The following JARID2 variants were observed in gnomAD, a reference collection of about 807,000 sequenced individuals.
JARID2 encodes protein Jumonji.
JARID2 carries 21 observed loss-of-function variants against 125.6 expected under a neutral mutation model. The ratio of observed to expected loss-of-function variants is 0.17; its 90% CI spans 0.12 to 0.24. The LOEUF (loss-of-function observed/expected upper bound fraction) is 0.24, where lower values mean the gene tolerates loss of function less well. Ranked by LOEUF, JARID2 falls within the 10% of genes least tolerant of loss-of-function variation. The probability of loss-of-function intolerance (pLI) is 1.00; values close to 1 mark genes in which losing one functional copy is unlikely to be tolerated. For synonymous variants in JARID2, 736 were observed against 661.6 expected, an observed-to-expected ratio of 1.11 and a Z score of -1.73; for missense variants, 1,303 against 1,639.6, an observed-to-expected ratio of 0.79 and a Z score of 3.55.
intron 1 of JARID2, among the ~76,000 whole-genome samples, chr6:15,293,400 G>A (rs1346441533): frequency 6.6e-6 from 1 of 152,194 alleles, no homozygotes; most frequent in East Asian, 1.9e-4. Context: ...GGGTGATAGA[G>A]CAAGATTCCA....
chr6:15,473,979 T>C (rs1370558420), intron 5 of JARID2, among the ~76,000 whole-genome samples: 1 of 152,240 alleles, frequency 6.6e-6, no homozygotes, highest in Non-Finnish European at 1.5e-5. Flanking sequence ...AATGTCAGCC[T>C]CAGGTTCAGG....
intron 4 of JARID2, among the ~76,000 whole-genome samples, chr6:15,455,657 G>A (rs1321977636): frequency 1.3e-5 from 2 of 152,042 alleles, no homozygotes; most frequent in East Asian, 1.9e-4. Flanking sequence ...TCAGCCTCCC[G>A]AGTAGCTGGG....
chr6:15,382,998 G>C (rs888086838), intron 2 of JARID2, among the ~76,000 whole-genome samples: 3 of 152,130 alleles, frequency 2.0e-5, no homozygotes, highest in African/African-American at 7.2e-5. Flanking sequence ...TATGTGTAGG[G>C]CTATAGGGCG....
rs573824495 is a variant in JARID2, at chr6:15,284,213, C to T, written c.45+37629C>T. Among the ~76,000 whole-genome samples, 3 of 152,306 alleles carry T rather than the reference C, an allele frequency of 2.0e-5. No homozygotes were observed. In the South Asian group the frequency reaches 6.2e-4, roughly 32 times the overall value. ...CACCCTCCAGCTTGCACTCTCCCAT[C>T]ACCCTACCCACTAAATTGATATGGA... On this transcript the variant is annotated intron_variant, in intron 1 of 17. Coordinates refer to ENST00000341776, the MANE Select transcript of JARID2 (RefSeq NM_004973.4).
intron 16 of JARID2, among the ~76,000 whole-genome samples, 174 bp from the exon 17 acceptor site, chr6:15,516,987 C>G (rs1401580697): frequency 6.6e-6 from 1 of 152,150 alleles, no homozygotes; most frequent in African/African-American, 2.4e-5. Flanking sequence ...TCGTTTTAGT[C>G]CATTTCCAGC....
At chr6:15,470,004 C>G (rs1768992991) in intron 5 of JARID2, among the ~76,000 whole-genome samples, 1 of 151,942 alleles carries the variant, frequency 6.6e-6, no homozygotes, top group Non-Finnish European at 1.5e-5. Flanking sequence ...TGGTGAAACC[C>G]CGTCTCTACT....
At chr6:15,377,859 A>G (rs1764418870) in intron 2 of JARID2, among the ~76,000 whole-genome samples, 1 of 143,508 alleles carries the variant, frequency 7.0e-6, no homozygotes, top group Admixed American at 7.1e-5. Context: ...TGCAAGATGT[A>G]TGTTTTTTTT....
At chr6:15,278,013 C>A (rs563576433) in intron 1 of JARID2, among the ~76,000 whole-genome samples, 3 of 146,946 alleles carry the variant, frequency 2.0e-5, no homozygotes, top group Non-Finnish European at 3.0e-5. Flanking sequence ...TTTGGGAGGC[C>A]GAGGTGGGTG....
chr6:15,442,469 C>A (rs1054119498), intron 3 of JARID2, among the ~76,000 whole-genome samples: 4 of 152,234 alleles, frequency 2.6e-5, no homozygotes, highest in African/African-American at 9.6e-5. Context: ...CTGACTCTTA[C>A]TGTCTTTATG....
intron 1 of JARID2, among the ~76,000 whole-genome samples, chr6:15,289,596 T>C (rs1761131122): frequency 6.6e-6 from 1 of 151,592 alleles, no homozygotes; most frequent in Admixed American, 6.6e-5. Context: ...GTGAGTCACA[T>C]CTGTAATCCC....
At chr6:15,488,598 C>T (rs940372158) in intron 6 of JARID2, among the ~76,000 whole-genome samples, 2 of 152,006 alleles carry the variant, frequency 1.3e-5, no homozygotes, top group South Asian at 2.1e-4. Flanking sequence ...TGAAAATACT[C>T]GATTTCGTCT....
intron 1 of JARID2, among the ~76,000 whole-genome samples, chr6:15,339,375 C>CAAA (rs780724601): frequency 1.3e-5 from 2 of 152,008 alleles, no homozygotes; most frequent in Non-Finnish European, 2.9e-5. Context: ...GAGGAAGTTG[C>CAAA]AAAAACTGGC....
chr6:15,509,957 C>T (rs1006561278), intron 12 of JARID2, among the ~76,000 whole-genome samples: 25 of 152,124 alleles, frequency 1.6e-4, no homozygotes, highest in Non-Finnish European at 1.6e-4. Context: ...ATTTAAATTA[C>T]CAATCAGTAA....
chr6:15,361,736 A>T (rs1406145015), intron 1 of JARID2, among the ~76,000 whole-genome samples: 1 of 152,186 alleles, frequency 6.6e-6, no homozygotes, highest in Non-Finnish European at 1.5e-5. Context: ...CAACTGCAAG[A>T]AACCTCATTC....
At chr6:15,299,209 G>GAAGGACC (rs1248982593) in intron 1 of JARID2, among the ~76,000 whole-genome samples, 1 of 152,172 alleles carries the variant, frequency 6.6e-6, no homozygotes, top group Non-Finnish European at 1.5e-5. Context: ...CCTCCTTTGA[G>GAAGGACC]AAGGACCAAA....
At chr6:15,274,816 C>T (rs1760435900) in intron 1 of JARID2, among the ~76,000 whole-genome samples, 1 of 152,176 alleles carries the variant, frequency 6.6e-6, no homozygotes. Flanking sequence ...ATTCTTCCTT[C>T]TAGTCCTTGT....
rs117969109 is a variant in JARID2, at chr6:15,436,029, C to T, written c.324-15977C>T. ...TCATACCTCTAGGGGAGCATACAGA[C>T]GGGCAGGTTGTAGGGCTGCAACCCC... On this transcript the variant is annotated intron_variant, in intron 3 of 17. Transcript: ENST00000341776. Among the ~76,000 whole-genome samples, 12 of 152,232 alleles carry T rather than the reference C, an allele frequency of 7.9e-5. No individual in the cohort carries two copies. The East Asian group carries it at 2.1e-3, about 27-fold the overall frequency.
At chr6:15,406,423 ACT>A (rs1765652294) in intron 2 of JARID2, among the ~76,000 whole-genome samples, 1 of 151,976 alleles carries the variant, frequency 6.6e-6, no homozygotes, top group Non-Finnish European at 1.5e-5. Context: ...ACAGAGCGAG[ACT>A]CTGTCTCAAG....
intron 1 of JARID2, among the ~76,000 whole-genome samples, chr6:15,276,747 C>G (rs1760537106): frequency 6.6e-6 from 1 of 152,124 alleles, no homozygotes; most frequent in South Asian, 2.1e-4. Context: ...GCCAGGGGGT[C>G]CTGTTGGCCT....
Sources: gnomAD v4.1 joint callset for allele counts (sites outside exome capture counted in the v4.1 genomes callset) on GRCh38, gnomAD v4.1.1 for gene constraint, MANE v1.5 for transcripts, NCBI Gene and HGNC (gene_info 2026-07-23, HGNC 2026-07-21) for gene names.